The following AP1AR variants were observed in gnomAD, a reference collection of about 807,000 sequenced individuals.
AP1AR encodes AP-1 complex-associated regulatory protein.
AP1AR carries 29 observed loss-of-function variants against 46.3 expected under a neutral mutation model. The observed-to-expected ratio is 0.63, with a 90% CI of 0.47 to 0.85. The LOEUF (loss-of-function observed/expected upper bound fraction) is 0.85. AP1AR is among the 40% of genes least tolerant of loss of function. The pLI is 0.00. For synonymous variants in AP1AR, 122 were observed against 122.9 expected (o/e 0.99, Z 0.05); for missense variants, 357 against 356.3 (o/e 1.00, Z -0.02).
Position 112,271,821 on chromosome 4 carries a change from T to C in AP1AR, c.*3412T>C, listed in dbSNP as rs1726965331. 6.6e-6 allele frequency among the ~76,000 whole-genome samples: 1 copy of C among 152,166 alleles called. No individual in the cohort carries two copies. On this transcript the variant is annotated 3_prime_UTR_variant, in exon 10 of 10. Transcript: ENST00000274000. ...GGTCTAGGTTCAAGTTTGGGAGTCA[T>C]TAGTAGGAAAATGGTATTTTAAGTC...
At chr4:112,246,329 A>AC (rs1725725795) in intron 1 of AP1AR, among the ~76,000 whole-genome samples, 1 of 151,988 alleles carries the variant, frequency 6.6e-6, no homozygotes. Context: ...AATATGGCAA[A>AC]CCCCCATCTC....
chr4:112,247,711 T>G (rs758099698), intron 1 of AP1AR, among the ~76,000 whole-genome samples: 1 of 152,232 alleles, frequency 6.6e-6, no homozygotes, highest in Non-Finnish European at 1.5e-5. Flanking sequence ...TTATAATAGC[T>G]TTCTAATTGA....
chr4:112,255,981 A>G (rs1403351623), intron 3 of AP1AR, among the ~76,000 whole-genome samples: 4 of 152,208 alleles, frequency 2.6e-5, no homozygotes, highest in African/African-American at 9.7e-5. Flanking sequence ...CTGAAAGTTG[A>G]CACTGTCGTT....
chr4:112,232,146 C>A lies in AP1AR; in HGVS notation c.55C>A (p.Arg19=), dbSNP rs370952115. The A allele has an allele frequency of 3.1e-6, 4 of 1,280,332 alleles. No individual in the cohort carries two copies. The highest frequency in any genetic ancestry group is 4.0e-6 in the Non-Finnish European group (4 of 1,004,554). The allele number at this position is 1,280,332 out of a possible 1,614,324, so 79.3% of individuals were successfully genotyped here. ...CGGACTGCTTCGCAAGGAAGCGGGG[C>A]GGCTGCAGCGAGTAGGCGGCGGCGG... ...CFGLLRKEAG[R]LQRVGGGGGS... is the part of the protein sequence containing the mutation. Residue 19 remains arginine, a synonymous_variant, in exon 1 of 10, where the codon CGG becomes AGG. Transcript: ENST00000274000.
chr4:112,232,997 A>G (rs1000891133), intron 1 of AP1AR, among the ~76,000 whole-genome samples: 4 of 152,138 alleles, frequency 2.6e-5, no homozygotes, highest in Non-Finnish European at 5.9e-5. Context: ...AATTAGAGCA[A>G]ATTCCTTTGG....
Position 112,270,182 on chromosome 4 carries a change from A to T in AP1AR, c.*1773A>T, listed in dbSNP as rs1726893257. ...ATTAAGAAAGCAAGATGGAACTAGA[A>T]AATGTGTTTTAACTGTTAAAAAAAA... On this transcript the variant is annotated 3_prime_UTR_variant, in exon 10 of 10. Coordinates refer to ENST00000274000, the MANE Select transcript of AP1AR (RefSeq NM_018569.6). 1 of 152,570 alleles carries T rather than the reference A, an allele frequency of 6.6e-6. No homozygotes were observed. The highest frequency in any genetic ancestry group is 2.4e-5 in the African/African-American group (1 of 41,456). 9.5% of individuals were successfully genotyped at this position (152,570 alleles called of 1,614,324 possible). A position where few individuals can be genotyped will look rare whatever the true frequency, so the allele number is the denominator to read the frequency against.
intron 4 of AP1AR, among the ~76,000 whole-genome samples, chr4:112,259,044 G>A (rs959660992): frequency 6.6e-6 from 1 of 152,162 alleles, no homozygotes; most frequent in Non-Finnish European, 1.5e-5. Context: ...GGATTCTGAA[G>A]ATGACCAAGA....
At chr4:112,266,519 C>G in intron 8 of AP1AR, 69 bp from the exon 9 acceptor site, 6 of 1,439,344 alleles carry the variant, frequency 4.2e-6, no homozygotes, top group Admixed American at 2.2e-5. Context: ...ATAATTGTTA[C>G]AAAATAAAAC....
intron 1 of AP1AR, among the ~76,000 whole-genome samples, chr4:112,241,183 G>A (rs1168574616): frequency 1.3e-5 from 2 of 152,078 alleles, no homozygotes; most frequent in Non-Finnish European, 2.9e-5. Flanking sequence ...CATATTCTTC[G>A]TAAACGTGTC....
chr4:112,237,933 T>G (rs1725324189), intron 1 of AP1AR, among the ~76,000 whole-genome samples: 2 of 152,230 alleles, frequency 1.3e-5, no homozygotes, highest in African/African-American at 4.8e-5. Flanking sequence ...TGGCAAACTT[T>G]TTCTGTAATG....
At chr4:112,236,995 T>G (rs1326147562) in intron 1 of AP1AR, among the ~76,000 whole-genome samples, 1 of 152,234 alleles carries the variant, frequency 6.6e-6, no homozygotes, top group African/African-American at 2.4e-5. Context: ...CAAAGCAATG[T>G]AACCTTAACC....
intron 1 of AP1AR, among the ~76,000 whole-genome samples, chr4:112,242,776 A>G (rs1368681227): frequency 1.3e-5 from 2 of 152,196 alleles, no homozygotes; most frequent in Non-Finnish European, 2.9e-5. Context: ...TGAGATTGTT[A>G]GGGGACAAAC....
At chr4:112,263,608 T>C (rs1350883493) in intron 6 of AP1AR, among the ~76,000 whole-genome samples, 2 of 152,108 alleles carry the variant, frequency 1.3e-5, no homozygotes, top group Non-Finnish European at 1.5e-5. Flanking sequence ...GTTTGGGTCT[T>C]GAGAAATCGT....
chr4:112,240,824 A>G lies in AP1AR; in HGVS notation c.83+8650A>G, dbSNP rs1180676450. ...GGATACATGGGTTTAAAATATTTCA[A>G]ATGTATAGCTATGCGTGTTACTGTA... On this transcript the variant is annotated intron_variant, in intron 1 of 9. Coordinates refer to ENST00000274000, the MANE Select transcript of AP1AR (RefSeq NM_018569.6). Among the ~76,000 whole-genome samples the G allele has an allele frequency of 2.6e-5, 4 of 152,300 alleles. No individual in the cohort carries two copies. In the South Asian group the frequency reaches 8.3e-4, roughly 32 times the overall value.
Position 112,271,262 on chromosome 4 carries a change from C to T in AP1AR, c.*2853C>T, listed in dbSNP as rs538826202. 1.3e-5 allele frequency among the ~76,000 whole-genome samples: 2 copies of T among 152,336 alleles called. No homozygotes were observed. The highest frequency in any genetic ancestry group is 2.4e-5 in the African/African-American group (1 of 41,578). ...AAGGAGCTGTCAAAGGGCCATTTAT[C>T]TTGCAAAATACCTCCCTGTCTTGCA... On this transcript the variant is annotated 3_prime_UTR_variant, in exon 10 of 10. Coordinates refer to ENST00000274000, the MANE Select transcript of AP1AR (RefSeq NM_018569.6).
At position 112,272,386 on chromosome 4, in the gene AP1AR, C is replaced by T. The variant is rs1560618280; in HGVS notation, c.*3977C>T. ...TTTGGCCTTCCTCTGGGGGCATGAC[C>T]AGACATGCGCAGTAAGGGGCAAAAT... On this transcript the variant is annotated 3_prime_UTR_variant, in exon 10 of 10. Transcript: ENST00000274000. Among the ~76,000 whole-genome samples the T allele has an allele frequency of 6.6e-6, 1 of 152,008 alleles. No homozygotes were observed. The highest frequency in any genetic ancestry group is 6.6e-5 in the Admixed American group (1 of 15,256).
At chr4:112,250,343 A>G (rs1725900650) in intron 1 of AP1AR, among the ~76,000 whole-genome samples, 1 of 152,242 alleles carries the variant, frequency 6.6e-6, no homozygotes, top group Non-Finnish European at 1.5e-5. Context: ...ATTTCTTAAT[A>G]GCTCTCCGAA....
At position 112,266,633 on chromosome 4, in the gene AP1AR, G is replaced by A. The variant is rs759108143; in HGVS notation, c.560G>A (p.Ser187Asn). The A allele has an allele frequency of 1.2e-6, 2 of 1,611,014 alleles. No homozygotes were observed. The highest frequency in any genetic ancestry group is 1.7e-6 in the Non-Finnish European group (2 of 1,177,858). ...ATVLTPNTES[S>N]CDLMTKTKST... ...GTTTTGACACCAAATACAGAAAGCA[G>A]TTGTGATTTAATGACCAAAACTAAA... The change falls in exon 9 of 10, where the codon AGT (serine) becomes AAT (asparagine). Residue 187 changes from serine to asparagine, a missense_variant. This residue lies in a region of AP1AR where 269 missense variants were observed against 223.6 expected (regional missense o/e 1.20). Coordinates refer to ENST00000274000, the MANE Select transcript of AP1AR (RefSeq NM_018569.6).
At chr4:112,261,549 T>C (rs1726443218) in intron 5 of AP1AR, among the ~76,000 whole-genome samples, 1 of 151,246 alleles carries the variant, frequency 6.6e-6, no homozygotes, top group African/African-American at 2.5e-5. Flanking sequence ...GTACTTATAA[T>C]CATAAGTGTT....
Sources: gnomAD v4.1 joint callset for allele counts (sites outside exome capture counted in the v4.1 genomes callset) on GRCh38, gnomAD v4.1.1 for gene constraint, gnomAD v4.1.1 regional missense constraint, MANE v1.5 for transcripts, NCBI Gene and HGNC (gene_info 2026-07-23, HGNC 2026-07-21) for gene names.